PCDHGA2: variants seen among roughly 807,000 people sequenced by gnomAD.
PCDHGA2 encodes the protein protocadherin gamma subfamily A, 2.
A neutral mutation model predicts 59.2 loss-of-function variants in PCDHGA2; 40 were observed. The ratio of observed to expected loss-of-function variants is 0.68; its 90% CI spans 0.52 to 0.88. The LOEUF (loss-of-function observed/expected upper bound fraction) is 0.88, where lower values mean the gene tolerates loss of function less well. Among genes scored for constraint, PCDHGA2 ranks in the 40% least tolerant of loss-of-function variants. PCDHGA2 has a pLI of 0.00. For synonymous variants in PCDHGA2, 560 were observed against 526.0 expected, an observed-to-expected ratio of 1.06 and a Z score of -0.89; for missense variants, 1,226 against 1,204.0, an observed-to-expected ratio of 1.02 and a Z score of -0.27.
At chr5:141,381,178 G>A (rs1267503052) in intron 1 of PCDHGA2, among the ~76,000 whole-genome samples, 1 of 152,222 alleles carries the variant, frequency 6.6e-6, no homozygotes, top group African/African-American at 2.4e-5. Flanking sequence ...CCCACAAAAC[G>A]AAGTTAAGCT....
intron 1 of PCDHGA2, chr5:141,407,971 G>T (rs1399304138): frequency 2.8e-6 from 2 of 717,762 alleles, no homozygotes; most frequent in Non-Finnish European, 4.3e-6. Context: ...AAGCGCTGAC[G>T]CCGGGGATCC....
At chr5:141,466,027 CAGG>C (rs1174989171) in intron 1 of PCDHGA2, among the ~76,000 whole-genome samples, 1 of 151,890 alleles carries the variant, frequency 6.6e-6, no homozygotes, top group African/African-American at 2.4e-5. Context: ...GAGGGTGAGG[CAGG>C]AGAACGGCAT....
At chr5:141,506,382 G>T (rs1311307230) in intron 3 of PCDHGA2, among the ~76,000 whole-genome samples, 1 of 151,500 alleles carries the variant, frequency 6.6e-6, no homozygotes, top group East Asian at 1.9e-4. Flanking sequence ...CTGGGAGGTG[G>T]CTGTGGTGAG....
At chr5:141,389,235 TCA>T (rs2091656158) in intron 1 of PCDHGA2, 4 of 1,614,080 alleles carry the variant, frequency 2.5e-6, no homozygotes, top group Non-Finnish European at 2.5e-6. Flanking sequence ...TCCGGTTTTC[TCA>T]CAGTCTTCCT....
rs76381401 is a variant in PCDHGA2, at chr5:141,399,054, G to A, written c.2424+57659G>A. 4.7e-4 allele frequency: 759 copies of A among 1,613,694 alleles called. 3 individuals are homozygous for A. The African/African-American group carries it at 8.4e-3, about 18-fold the overall frequency. ...AGAAACTGGATTTTGAAGAGACCAAGGAATATTCAATGGTTGTAGAAGGGA... is the reference window on the plus strand; with the variant it reads ...AGAAACTGGATTTTGAAGAGACCAAAGAATATTCAATGGTTGTAGAAGGGA... On this transcript the variant is annotated intron_variant, in intron 1 of 3. Coordinates refer to ENST00000394576, the MANE Select transcript of PCDHGA2 (RefSeq NM_018915.4).
At position 141,485,680 on chromosome 5, in the gene PCDHGA2, C is replaced by A. The variant is rs1450674419; in HGVS notation, c.2425-9127C>A. The A allele has an allele frequency of 6.2e-7, 1 of 1,613,966 alleles. No individual in the cohort carries two copies. On this transcript the variant is annotated intron_variant, in intron 1 of 3. Transcript: ENST00000394576. The surrounding 1 kb of genome is among the most constrained non-coding windows in gnomAD (Gnocchi z 5.7). ...ATGTGGGGAGCAATTCGATTAGCAGCTATAGGCTGAGCTCCAATGAACACT... is the reference window on the plus strand; with the variant it reads ...ATGTGGGGAGCAATTCGATTAGCAGATATAGGCTGAGCTCCAATGAACACT...
chr5:141,412,183 C>A (rs1243084028), intron 1 of PCDHGA2: 1 of 152,188 alleles, frequency 6.6e-6, no homozygotes, highest in African/African-American at 2.4e-5. Context: ...GGTATTAATG[C>A]TCTGATGAAA....
At chr5:141,344,253 C>A in intron 1 of PCDHGA2, 3 of 1,614,050 alleles carry the variant, frequency 1.9e-6, no homozygotes, top group Admixed American at 1.7e-5. Flanking sequence ...TAGGACGCAG[C>A]TTTTCTCTCT....
intron 1 of PCDHGA2, chr5:141,418,650 T>A (rs764145825): frequency 5.0e-6 from 8 of 1,613,898 alleles, no homozygotes; most frequent in South Asian, 2.2e-5. Flanking sequence ...ATCCTGAGAG[T>A]GAAGGCCACT....
chr5:141,350,687 G>C (rs367576240), intron 1 of PCDHGA2: 1 of 1,614,012 alleles, frequency 6.2e-7, no homozygotes, highest in Non-Finnish European at 8.5e-7. Flanking sequence ...TTGTGAGTCA[G>C]CCTTACCCGG....
chr5:141,351,254 G>A, intron 1 of PCDHGA2: 2 of 1,614,020 alleles, frequency 1.2e-6, no homozygotes, highest in Non-Finnish European at 1.7e-6. Context: ...TGTTCAAATA[G>A]AAATTGTTGA....
chr5:141,481,021 GC>G (rs2099529893), intron 1 of PCDHGA2, among the ~76,000 whole-genome samples: 1 of 152,076 alleles, frequency 6.6e-6, no homozygotes, highest in Non-Finnish European at 1.5e-5. Context: ...TCACACCACT[GC>G]ACTCCAGCCT....
chr5:141,350,815 A>G (rs1758568348), intron 1 of PCDHGA2: 2 of 1,613,904 alleles, frequency 1.2e-6, no homozygotes, highest in African/African-American at 1.3e-5. Context: ...GTCCTGATGG[A>G]AGTAAATATC....
chr5:141,483,401 A>G (rs1052240280), intron 1 of PCDHGA2, among the ~76,000 whole-genome samples: 2 of 152,202 alleles, frequency 1.3e-5, no homozygotes, highest in African/African-American at 4.8e-5. Context: ...TGCTTGAACC[A>G]GCACAGTGGC....
intron 1 of PCDHGA2, chr5:141,374,140 C>T: frequency 6.2e-7 from 1 of 1,609,666 alleles, no homozygotes; most frequent in South Asian, 1.1e-5. Flanking sequence ...TCCTCACGCT[C>T]CTGGGGACGC....
Position 141,437,485 on chromosome 5 carries a change from C to T in PCDHGA2, c.2425-57322C>T, listed in dbSNP as rs372023505. The stretch of plus-strand genomic sequence containing the variant: ...TATACTTTTATAGCATATTTAATCT[C>T]GTAGATCACTTTTCAATGAATTATA... On this transcript the variant is annotated intron_variant, in intron 1 of 3. Transcript: ENST00000394576. Among the ~76,000 whole-genome samples, 16 of 152,188 alleles carry T rather than the reference C, an allele frequency of 1.1e-4. No individual in the cohort carries two copies. In the East Asian group the frequency reaches 2.9e-3, roughly 28 times the overall value.
intron 1 of PCDHGA2, chr5:141,384,354 C>A (rs1437330360): frequency 6.2e-7 from 1 of 1,613,844 alleles, no homozygotes; most frequent in Non-Finnish European, 8.5e-7. Context: ...AGGATAATGC[C>A]CAGATCACTT....
rs1236813956 is a variant in PCDHGA2, at chr5:141,480,634, TTTCAAAC to T, written c.2425-14170_2425-14164del. On this transcript the variant is annotated intron_variant, in intron 1 of 3. Transcript: ENST00000394576. The stretch of plus-strand genomic sequence containing the variant: ...ACTGGCATTTTCCCTAGAACAATGT[TTTCAAAC>T]TTGGTTGCACATTAAAATCACCTAG... Among the ~76,000 whole-genome samples the T allele has an allele frequency of 3.9e-5, 6 of 152,332 alleles. No individual in the cohort carries two copies. In the East Asian group the frequency reaches 1.2e-3, roughly 29 times the overall value.
rs1441791773 is a variant in PCDHGA2, at chr5:141,486,038, G to A, written c.2425-8769G>A. The A allele has an allele frequency of 1.9e-6, 3 of 1,614,066 alleles. No individual in the cohort carries two copies. The highest frequency in any genetic ancestry group is 1.1e-5 in the South Asian group (1 of 91,088). On this transcript the variant is annotated intron_variant, in intron 1 of 3. Coordinates refer to ENST00000394576, the MANE Select transcript of PCDHGA2 (RefSeq NM_018915.4). The surrounding 1 kb of genome is among the most constrained non-coding windows in gnomAD (Gnocchi z 5.0). ...TTTCAGTGGTCATACCCCTGATCGT[G>A]TAAGAAACCTCTTTAGCCTGCACCC...
Sources: allele counts gnomAD v4.1 joint callset (sites outside exome capture counted in the v4.1 genomes callset), GRCh38; gene constraint gnomAD v4.1.1; non-coding constraint Gnocchi (gnomAD v3.1); transcripts MANE v1.5; gene names NCBI Gene and HGNC (gene_info 2026-07-23, HGNC 2026-07-21).